Variants in NEDD4L observed in about 807,000 individuals in gnomAD.
The protein encoded by NEDD4L is E3 ubiquitin-protein ligase NEDD4-like.
NEDD4L carries 54 observed loss-of-function variants against 148.9 expected under a neutral mutation model. The observed-to-expected ratio is 0.36, with a 90% CI of 0.29 to 0.45. The LOEUF is 0.45. NEDD4L is among the 20% of genes least tolerant of loss of function. The pLI is 1.00. For synonymous variants in NEDD4L, 433 were observed against 440.7 expected (o/e 0.98, Z 0.22); for missense variants, 856 against 1,233.8 (o/e 0.69, Z 4.59).
chr18:58,316,821 A>G (rs2058321018), intron 6 of NEDD4L, among the ~76,000 whole-genome samples: 2 of 152,226 alleles, frequency 1.3e-5, no homozygotes, highest in African/African-American at 4.8e-5. Flanking sequence ...TGGGCAGCAC[A>G]ACGACGTGAT....
intron 5 of NEDD4L, among the ~76,000 whole-genome samples, chr18:58,312,345 T>C (rs1325120462): frequency 1.3e-5 from 2 of 152,244 alleles, no homozygotes; most frequent in African/African-American, 4.8e-5. Context: ...GAAGTTAATT[T>C]GGTTTTGTAG....
chr18:58,088,246 A>T (rs762598661), intron 1 of NEDD4L, among the ~76,000 whole-genome samples: 40 of 152,220 alleles, frequency 2.6e-4, no homozygotes, highest in Non-Finnish European at 4.1e-4. Context: ...TCATTTCTGC[A>T]ATATCCTGTG....
At chr18:58,324,949 AG>A in intron 8 of NEDD4L, 46 bp from the exon 9 acceptor site, 2 of 1,564,626 alleles carry the variant, frequency 1.3e-6, no homozygotes, top group South Asian at 2.4e-5. Flanking sequence ...TCTTACTCAC[AG>A]CCGAAGAACC....
chr18:58,274,940 A>T (rs1194947858), intron 5 of NEDD4L, among the ~76,000 whole-genome samples: 3 of 152,212 alleles, frequency 2.0e-5, no homozygotes, highest in Non-Finnish European at 4.4e-5. Context: ...GTTTGCTATA[A>T]AACGAAATCT....
chr18:58,217,344 A>G (rs1471683351), intron 2 of NEDD4L, among the ~76,000 whole-genome samples: 4 of 152,078 alleles, frequency 2.6e-5, no homozygotes, highest in South Asian at 2.1e-4. Flanking sequence ...TTTCTCCTCT[A>G]CTGTAGCTGG....
Position 58,256,599 on chromosome 18 carries a change from CGAACTCCGCGGAGA to C in NEDD4L, c.297+4547_297+4560del. On this transcript the variant is annotated intron_variant, in intron 5 of 30. Transcript: ENST00000400345. The surrounding 1 kb of genome is among the most constrained non-coding windows in gnomAD (Gnocchi z 5.2). ...AGGATGGCTCCTGAAATCCGCAGGA[CGAACTCCGCGGAGA>C]GGACTCCGCAGGGCCAGGGGTGCAC... 8.1e-7 allele frequency: 1 copy of C among 1,232,230 alleles called. No homozygotes were observed. Among genetic ancestry groups the C allele is most frequent in the Non-Finnish European group, 1.0e-6 (1 of 988,042 alleles). 76.3% of individuals were successfully genotyped at this position (1,232,230 alleles called of 1,614,324 possible).
chr18:58,106,064 G>C (rs1411741688), intron 1 of NEDD4L, among the ~76,000 whole-genome samples: 1 of 152,252 alleles, frequency 6.6e-6, no homozygotes, highest in Non-Finnish European at 1.5e-5. Flanking sequence ...TCTTGGGCAG[G>C]CTGTTGATGT....
chr18:58,165,583 T>A, intron 1 of NEDD4L: 2 of 930,160 alleles, frequency 2.2e-6, no homozygotes, highest in Non-Finnish European at 2.6e-6. Flanking sequence ...AACTTGGATG[T>A]TCTAAGTTTC....
intron 19 of NEDD4L, among the ~76,000 whole-genome samples, chr18:58,358,661 A>T (rs1320334837): frequency 1.3e-5 from 2 of 152,078 alleles, no homozygotes; most frequent in Non-Finnish European, 2.9e-5. Flanking sequence ...ACCCTTGTTT[A>T]TTCCTTCATT....
intron 2 of NEDD4L, among the ~76,000 whole-genome samples, chr18:58,206,930 C>A (rs539722674): frequency 3.3e-5 from 5 of 152,282 alleles, no homozygotes; most frequent in Non-Finnish European, 7.3e-5. Context: ...AAGGGACGAT[C>A]CAAAGGCACT....
chr18:58,135,882 C>T (rs113619709), intron 1 of NEDD4L, among the ~76,000 whole-genome samples: 32 of 152,254 alleles, frequency 2.1e-4, no homozygotes, highest in African/African-American at 7.0e-4. Context: ...AGTCTTGGCC[C>T]GTGTTTCTTG....
intron 2 of NEDD4L, among the ~76,000 whole-genome samples, chr18:58,168,022 C>G (rs149247915): frequency 1.1e-3 from 174 of 152,226 alleles, no homozygotes; most frequent in African/African-American, 3.9e-3. Flanking sequence ...AGAGCAAATT[C>G]GTACCTTGAA....
chr18:58,071,838 T>G (rs2082887247), intron 1 of NEDD4L, among the ~76,000 whole-genome samples: 1 of 152,198 alleles, frequency 6.6e-6, no homozygotes, highest in Non-Finnish European at 1.5e-5. Flanking sequence ...AACTCCCATT[T>G]ATAAAACCAT....
chr18:58,364,478 G>A, intron 20 of NEDD4L, 145 bp downstream of exon 20: 2 of 582,826 alleles, frequency 3.4e-6, no homozygotes, highest in Non-Finnish European at 3.0e-6. Flanking sequence ...TGATCCTCCT[G>A]GTTCTAAAAT....
At chr18:58,202,491 C>T (rs1238525807) in intron 2 of NEDD4L, among the ~76,000 whole-genome samples, 1 of 152,242 alleles carries the variant, frequency 6.6e-6, no homozygotes, top group Non-Finnish European at 1.5e-5. Flanking sequence ...GTGACTCATG[C>T]AGTCAGGTTG....
intron 1 of NEDD4L, chr18:58,046,103 A>T (rs1010923017): frequency 6.6e-6 from 1 of 152,140 alleles, no homozygotes; most frequent in Non-Finnish European, 1.5e-5. Flanking sequence ...GCAAAGCTTG[A>T]TGTATTTATT....
chr18:58,278,028 T>C (rs17064654), intron 5 of NEDD4L, among the ~76,000 whole-genome samples: 27,650 of 152,086 alleles, frequency 0.18, 2,728 homozygotes, highest in East Asian at 0.29. Context: ...CTCAGAAATA[T>C]TTTCTCCTGG....
chr18:58,178,744 T>G (rs1213424147), intron 2 of NEDD4L, among the ~76,000 whole-genome samples: 1 of 152,268 alleles, frequency 6.6e-6, no homozygotes, highest in Non-Finnish European at 1.5e-5. Flanking sequence ...GAATGTGTAG[T>G]AAATACACTT....
intron 16 of NEDD4L, among the ~76,000 whole-genome samples, chr18:58,348,326 C>CTTTCTTTT (rs2043370403): frequency 1.1e-5 from 1 of 88,672 alleles, no homozygotes; most frequent in African/African-American, 5.4e-5. Flanking sequence ...TCTTTTTTTT[C>CTTTCTTTT]TTTTTTTTTT....
Sources: allele counts gnomAD v4.1 joint callset (sites outside exome capture counted in the v4.1 genomes callset), GRCh38; gene constraint gnomAD v4.1.1; non-coding constraint Gnocchi (gnomAD v3.1); transcripts MANE v1.5; gene names NCBI Gene and HGNC (gene_info 2026-07-23, HGNC 2026-07-21).